The following CLEC2L variants were observed in gnomAD, a reference collection of about 807,000 sequenced individuals.
The protein encoded by CLEC2L is C-type lectin domain family 2 member L, also known as C-type lectin domain family 2, member L.
In CLEC2L, 14 loss-of-function variants were observed where a neutral mutation model predicts 23.6. The observed-to-expected ratio is 0.59, with a 90% CI of 0.39 to 0.93. The LOEUF (loss-of-function observed/expected upper bound fraction) is 0.93, where lower values mean the gene tolerates loss of function less well. Ranked by LOEUF, CLEC2L falls within the 40% of genes least tolerant of loss-of-function variation. The pLI, the probability that CLEC2L is intolerant of heterozygous loss-of-function variation, is 0.00. For synonymous variants in CLEC2L, 114 were observed against 121.3 expected, an observed-to-expected ratio of 0.94 and a Z score of 0.40; for missense variants, 264 against 282.4, an observed-to-expected ratio of 0.93 and a Z score of 0.47.
At chr7:139,536,374 T>C (rs1797657604) in intron 2 of CLEC2L, 26 bp downstream of exon 2, 4 of 1,542,150 alleles carry the variant, frequency 2.6e-6, no homozygotes, top group Non-Finnish European at 3.5e-6. Context: ...AGAGCATTTA[T>C]GCATTCAGTT....
chr7:139,543,307 G>C (rs1797764018), intron 4 of CLEC2L, among the ~76,000 whole-genome samples: 1 of 152,172 alleles, frequency 6.6e-6, no homozygotes. Context: ...GAGTGGCTGA[G>C]GAGGTCTTGC....
chr7:139,528,725 G>C lies in CLEC2L; in HGVS notation c.190+4608G>C, dbSNP rs1439206350. Among the ~76,000 whole-genome samples the C allele has an allele frequency of 2.6e-5, 4 of 152,328 alleles. No individual in the cohort carries two copies. In the South Asian group the frequency reaches 6.2e-4, roughly 24 times the overall value. On this transcript the variant is annotated intron_variant, in intron 1 of 4. Transcript: ENST00000422142. ...AAGACACACAAAGAGAATACCATGT[G>C]ATGATAAAGGCAGAGATTGGACTGA...
At chr7:139,534,738 T>C (rs998935911) in intron 1 of CLEC2L, among the ~76,000 whole-genome samples, 1 of 151,668 alleles carries the variant, frequency 6.6e-6, no homozygotes, top group East Asian at 1.9e-4. Context: ...TTGCCCCCTC[T>C]TTTTTTCTTT....
intron 1 of CLEC2L, among the ~76,000 whole-genome samples, chr7:139,527,591 G>T (rs1392882359): frequency 6.6e-6 from 1 of 152,154 alleles, no homozygotes; most frequent in Non-Finnish European, 1.5e-5. Flanking sequence ...GGCTAGAAAA[G>T]GTGACCCGGA....
At chr7:139,534,289 A>C (rs1797621824) in intron 1 of CLEC2L, 1 of 1,472,154 alleles carries the variant, frequency 6.8e-7, no homozygotes, top group South Asian at 1.1e-5. Flanking sequence ...GCCAGAAGGC[A>C]GAACTTATGC....
At chr7:139,525,749 C>G (rs1311644670) in intron 1 of CLEC2L, among the ~76,000 whole-genome samples, 1 of 152,178 alleles carries the variant, frequency 6.6e-6, no homozygotes, top group East Asian at 1.9e-4. Flanking sequence ...TGCTGTGGCC[C>G]TTTAATGCCT....
chr7:139,544,419 C>T lies in CLEC2L; in HGVS notation c.*77C>T. Reference sequence around the variant, plus strand: ...GTGTCTGCTCAAGACCTGCTTCCAGCGGAGCCGCCTGCCCTCTGCAAGGCG... The same window carrying T: ...GTGTCTGCTCAAGACCTGCTTCCAGTGGAGCCGCCTGCCCTCTGCAAGGCG... On this transcript the variant is annotated 3_prime_UTR_variant, in exon 5 of 5. Transcript: ENST00000422142. 3.7e-6 allele frequency: 4 copies of T among 1,074,074 alleles called. No individual in the cohort carries two copies. The highest frequency in any genetic ancestry group is 2.4e-4 in the Middle Eastern group (1 of 4,122). The allele number at this position is 1,074,074 out of a possible 1,614,324, so 66.5% of individuals were successfully genotyped here.
At chr7:139,535,240 G>A (rs1339745868) in intron 1 of CLEC2L, among the ~76,000 whole-genome samples, 1 of 152,224 alleles carries the variant, frequency 6.6e-6, no homozygotes, top group African/African-American at 2.4e-5. Context: ...CAACATGGAT[G>A]AGCCTTGTAA....
intron 4 of CLEC2L, 115 bp from the exon 5 acceptor site, chr7:139,544,116 C>A (rs1290195592): frequency 4.3e-6 from 3 of 695,554 alleles, no homozygotes; most frequent in Non-Finnish European, 2.5e-6. Context: ...GAAGGCAGCT[C>A]CAGTGATGAA....
chr7:139,526,659 G>T (rs1797511665), intron 1 of CLEC2L, among the ~76,000 whole-genome samples: 1 of 152,220 alleles, frequency 6.6e-6, no homozygotes, highest in African/African-American at 2.4e-5. Context: ...CCACAGGCTG[G>T]CGGGCTTTCC....
rs1797464244 is a variant in CLEC2L at position 139,523,822 on chromosome 7, G to A, written c.-106G>A. 1.3e-6 allele frequency: 1 copy of A among 746,388 alleles called. No individual in the cohort carries two copies. The highest frequency in any genetic ancestry group is 1.6e-6 in the Non-Finnish European group (1 of 614,238). 46.2% of individuals were successfully genotyped at this position (746,388 alleles called of 1,614,324 possible). On this transcript the variant is annotated 5_prime_UTR_variant, in exon 1 of 5. Transcript: ENST00000422142. This position sits in a 1 kb window ranked among gnomAD's most constrained non-coding sequence, Gnocchi z 4.1. ...AGCGCCGCGGTCCTAGCCCACCCGAGGCCGGCCTGGGGGGCCCGCAGGGCG... is the reference window on the plus strand; with the variant it reads ...AGCGCCGCGGTCCTAGCCCACCCGAAGCCGGCCTGGGGGGCCCGCAGGGCG...
chr7:139,530,684 G>T (rs964080318), intron 1 of CLEC2L, among the ~76,000 whole-genome samples: 1 of 151,824 alleles, frequency 6.6e-6, no homozygotes, highest in Non-Finnish European at 1.5e-5. Flanking sequence ...GTGGTGGCGG[G>T]TGCCTATAAT....
rs370403291 is a variant in CLEC2L, at chr7:139,528,494, G to A, written c.190+4377G>A. ...CAAAGACACGTCTTACATGGTGGCA[G>A]GCAAGAGAGTGTGTGCAGAGGAACT... On this transcript the variant is annotated intron_variant, in intron 1 of 4. Coordinates refer to ENST00000422142, the MANE Select transcript of CLEC2L (RefSeq NM_001080511.4). Among the ~76,000 whole-genome samples, 27 of 152,326 alleles carry A rather than the reference G, an allele frequency of 1.8e-4. 1 individual carries two copies. The highest frequency in any genetic ancestry group is 6.5e-4 in the African/African-American group (27 of 41,580).
chr7:139,536,672 G>A (rs572009709), intron 2 of CLEC2L, among the ~76,000 whole-genome samples: 1 of 152,166 alleles, frequency 6.6e-6, no homozygotes, highest in Admixed American at 6.5e-5. Context: ...TTGGGAATAA[G>A]GGCCTTTAAG....
intron 1 of CLEC2L, chr7:139,534,410 G>T (rs1797623593): frequency 1.1e-6 from 1 of 909,364 alleles, no homozygotes; most frequent in Non-Finnish European, 1.9e-6. Context: ...TCAGTCAGTT[G>T]TTTGATTTCA....
At chr7:139,530,137 T>C (rs1402476854) in intron 1 of CLEC2L, among the ~76,000 whole-genome samples, 1 of 151,272 alleles carries the variant, frequency 6.6e-6, no homozygotes, top group African/African-American at 2.4e-5. Flanking sequence ...TGAGCCAGGA[T>C]TGCACCACTG....
At chr7:139,542,173 G>C (rs1428921994) in intron 4 of CLEC2L, 52 bp downstream of exon 4, 11 of 1,270,550 alleles carry the variant, frequency 8.7e-6, no homozygotes, top group Middle Eastern at 1.9e-4. Context: ...AGAAAGGCCT[G>C]ACTCACCCCC....
At chr7:139,524,375 C>G (rs1315065212) in intron 1 of CLEC2L, among the ~76,000 whole-genome samples, 1 of 152,246 alleles carries the variant, frequency 6.6e-6, no homozygotes, top group Non-Finnish European at 1.5e-5. Context: ...GACCTTGGAG[C>G]GGGCTTCACG....
chr7:139,544,521 C>T lies in CLEC2L; in HGVS notation c.*179C>T, dbSNP rs1797781894. The T allele has an allele frequency of 5.0e-6, 3 of 597,704 alleles. No homozygotes were observed. Among genetic ancestry groups the T allele is most frequent in the Non-Finnish European group, 8.9e-6 (3 of 335,662 alleles). The allele number at this position is 597,704 out of a possible 1,614,324, so 37.0% of individuals were successfully genotyped here. ...CTCTGAGTCCCTGGTTCCTGGCCTC[C>T]TTTGTCTGCAGGCAGGTCGTGTGGC... On this transcript the variant is annotated 3_prime_UTR_variant, in exon 5 of 5. Coordinates refer to ENST00000422142, the MANE Select transcript of CLEC2L (RefSeq NM_001080511.4).
Sources: gnomAD v4.1 joint callset for allele counts (sites outside exome capture counted in the v4.1 genomes callset) on GRCh38, gnomAD v4.1.1 for gene constraint, Gnocchi (gnomAD v3.1) non-coding constraint, MANE v1.5 for transcripts, NCBI Gene and HGNC (gene_info 2026-07-23, HGNC 2026-07-21) for gene names.